LTBP1: variants seen among roughly 807,000 people sequenced by gnomAD.
LTBP1 encodes the protein latent transforming growth factor beta binding protein 1.
Under a neutral mutation model 207.6 loss-of-function variants are expected in LTBP1, and 129 were observed. The ratio of observed to expected loss-of-function variants is 0.62; its 90% confidence interval spans 0.54 to 0.72. The LOEUF (loss-of-function observed/expected upper bound fraction) is 0.72, where lower values mean the gene tolerates loss of function less well. LTBP1 is among the 30% of genes least tolerant of loss of function. LTBP1 has a pLI of 0.00. For missense variants in LTBP1, 2,281 were observed against 2,217.2 expected, an observed-to-expected ratio of 1.03 and a Z score of -0.58; for synonymous variants, 963 against 833.7, an observed-to-expected ratio of 1.16 and a Z score of -2.67.
chr2:33,179,028 A>G (rs1028311138), intron 5 of LTBP1, among the ~76,000 whole-genome samples: 1 of 151,364 alleles, frequency 6.6e-6, no homozygotes, highest in African/African-American at 2.4e-5. Flanking sequence ...GGCATGAGCC[A>G]CCATGCCTGG....
chr2:32,972,326 T>C (rs1572886330), intron 2 of LTBP1, among the ~76,000 whole-genome samples: 1 of 152,144 alleles, frequency 6.6e-6, no homozygotes, highest in African/African-American at 2.4e-5. Context: ...GGTTATTTCC[T>C]GTCTTCTGCT....
chr2:33,228,604 T>C (rs2091587108), intron 9 of LTBP1, among the ~76,000 whole-genome samples: 1 of 151,970 alleles, frequency 6.6e-6, no homozygotes, highest in South Asian at 2.1e-4. Flanking sequence ...GATTTGGGCA[T>C]TATTATTCTC....
At chr2:32,959,923 T>C (rs1247403399) in intron 2 of LTBP1, among the ~76,000 whole-genome samples, 7 of 151,906 alleles carry the variant, frequency 4.6e-5, no homozygotes, top group Admixed American at 4.6e-4. Flanking sequence ...ACCCACCCTA[T>C]TATTGCTATT....
chr2:33,245,031 A>G lies in LTBP1; in HGVS notation c.1999+1247A>G, dbSNP rs146164855. Among the ~76,000 whole-genome samples the G allele has an allele frequency of 2.8e-3, 428 of 152,218 alleles. 6 individuals carry two copies. Among genetic ancestry groups the G allele is most frequent in the African/African-American group, 9.1e-3 (379 of 41,526 alleles). ...GTAGCTGGGATTATGGGCATGTGCTACCACGCCCAGCTAATTTTTTGTATT... is the reference window on the plus strand; with the variant it reads ...GTAGCTGGGATTATGGGCATGTGCTGCCACGCCCAGCTAATTTTTTGTATT... On this transcript the variant is annotated intron_variant, in intron 10 of 33. Transcript: ENST00000404816.
At chr2:33,323,645 C>CAAACA (rs1190818980) in intron 24 of LTBP1, among the ~76,000 whole-genome samples, 14 of 151,386 alleles carry the variant, frequency 9.2e-5, no homozygotes, top group African/African-American at 3.4e-4. Flanking sequence ...AACAAACAAA[C>CAAACA]AAAAAATCAT....
intron 5 of LTBP1, among the ~76,000 whole-genome samples, chr2:33,149,000 G>T (rs756688532): frequency 2.0e-5 from 3 of 151,986 alleles, no homozygotes; most frequent in Non-Finnish European, 4.4e-5. Context: ...GGATCACGAG[G>T]TCAGGAGATC....
intron 3 of LTBP1, among the ~76,000 whole-genome samples, chr2:33,096,853 C>G (rs1321598933): frequency 6.6e-6 from 1 of 152,052 alleles, no homozygotes; most frequent in East Asian, 1.9e-4. Context: ...CAAGGCCAGC[C>G]TAGGCAACGT....
intron 31 of LTBP1, among the ~76,000 whole-genome samples, chr2:33,368,381 TTCTA>T (rs1559078358): frequency 6.6e-6 from 1 of 152,202 alleles, no homozygotes; most frequent in African/African-American, 2.4e-5. Context: ...CTTAGGTTGA[TTCTA>T]TCTCTTTGCT....
At chr2:33,011,079 G>A (rs1422589128) in intron 2 of LTBP1, among the ~76,000 whole-genome samples, 4 of 152,122 alleles carry the variant, frequency 2.6e-5, no homozygotes, top group Admixed American at 2.0e-4. Flanking sequence ...TATATTGGTT[G>A]TGATACTGCA....
chr2:33,324,984 C>A (rs538257088), intron 24 of LTBP1, among the ~76,000 whole-genome samples: 1 of 152,198 alleles, frequency 6.6e-6, no homozygotes, highest in African/African-American at 2.4e-5. Context: ...AGATTACAGG[C>A]GTGAGCCACC....
intron 5 of LTBP1, among the ~76,000 whole-genome samples, chr2:33,155,011 C>T (rs1469923473): frequency 4.6e-5 from 7 of 152,142 alleles, no homozygotes; most frequent in East Asian, 1.9e-4. Context: ...CGCAGTGAGC[C>T]GAGATCATGC....
At chr2:33,010,918 C>T (rs1242019314) in intron 2 of LTBP1, among the ~76,000 whole-genome samples, 1 of 152,000 alleles carries the variant, frequency 6.6e-6, no homozygotes, top group Non-Finnish European at 1.5e-5. Context: ...CGGGGTTTCA[C>T]CATGTTGGCC....
chr2:33,150,981 C>T (rs765949709), intron 5 of LTBP1, among the ~76,000 whole-genome samples: 2 of 151,736 alleles, frequency 1.3e-5, no homozygotes. Context: ...CTCAAGTGAT[C>T]CATCTGCCTC....
intron 24 of LTBP1, among the ~76,000 whole-genome samples, chr2:33,333,956 G>A (rs1030820370): frequency 4.6e-5 from 7 of 152,176 alleles, no homozygotes; most frequent in Non-Finnish European, 8.8e-5. Context: ...AGTCCAGGGA[G>A]TAAGAGGAAA....
At chr2:33,063,976 C>A (rs1270056509) in intron 3 of LTBP1, among the ~76,000 whole-genome samples, 1 of 151,964 alleles carries the variant, frequency 6.6e-6, no homozygotes, top group Non-Finnish European at 1.5e-5. Context: ...GCCTCAGCCT[C>A]CTGAGTAGCT....
chr2:32,984,844 T>C (rs1471599989), intron 2 of LTBP1, among the ~76,000 whole-genome samples: 1 of 151,566 alleles, frequency 6.6e-6, no homozygotes, highest in African/African-American at 2.4e-5. Flanking sequence ...GGCAGGAGAA[T>C]CGCTTGAACC....
At position 33,385,298 on chromosome 2, in the gene LTBP1, G is replaced by A. The variant is rs553315756; in HGVS notation, c.4712-3886G>A. ...CAAGATTTAAAAACACCTGTGGACCGTTCTTCCATTGCTCTTTACTGCACA... is the reference window on the plus strand; with the variant it reads ...CAAGATTTAAAAACACCTGTGGACCATTCTTCCATTGCTCTTTACTGCACA... On this transcript the variant is annotated intron_variant, in intron 31 of 33. Transcript: ENST00000404816. 2.7e-3 allele frequency among the ~76,000 whole-genome samples: 406 copies of A among 152,128 alleles called. 1 individual carries two copies. Among genetic ancestry groups the A allele is most frequent in the Non-Finnish European group, 4.7e-3 (321 of 68,024 alleles).
At chr2:33,389,425 G>A (rs937271263) in intron 32 of LTBP1, 119 bp downstream of exon 32, 2 of 1,386,078 alleles carry the variant, frequency 1.4e-6, no homozygotes, top group African/African-American at 2.9e-5. Context: ...CCCCAGACCT[G>A]CTGGTCAGAA....
intron 4 of LTBP1, among the ~76,000 whole-genome samples, chr2:33,129,734 G>A (rs1215718811): frequency 2.0e-5 from 3 of 152,188 alleles, no homozygotes; most frequent in Admixed American, 6.5e-5. Flanking sequence ...TTTCCAACCC[G>A]TAATGACTTA....
Sources: gnomAD v4.1 joint callset for allele counts (sites outside exome capture counted in the v4.1 genomes callset) on GRCh38, gnomAD v4.1.1 for gene constraint, MANE v1.5 for transcripts, NCBI Gene and HGNC (gene_info 2026-07-23, HGNC 2026-07-21) for gene names.